Variants in GSE1 observed in about 807,000 individuals in gnomAD.
GSE1 encodes Gse1 coiled-coil protein.
Under a neutral mutation model 112.6 loss-of-function variants are expected in GSE1, and 32 were observed. That is an observed-to-expected ratio of 0.28 (90% confidence interval 0.21 to 0.38). GSE1 has a LOEUF of 0.38. Among genes scored for constraint, GSE1 ranks in the 10% least tolerant of loss-of-function variants. GSE1 has a pLI of 1.00. For synonymous variants in GSE1, 1,115 were observed against 735.6 expected (o/e 1.52, Z -8.35); for missense variants, 2,348 against 1,699.2 (o/e 1.38, Z -6.71).
At chr16:85,510,969 C>T (rs1249388118) in intron 2 of GSE1, among the ~76,000 whole-genome samples, 1 of 152,250 alleles carries the variant, frequency 6.6e-6, no homozygotes, top group African/African-American at 2.4e-5. Context: ...CACCCCGTTC[C>T]TCTCTGGCTT....
intron 2 of GSE1, among the ~76,000 whole-genome samples, chr16:85,491,121 G>A (rs886817748): frequency 1.4e-4 from 21 of 152,182 alleles, no homozygotes; most frequent in African/African-American, 4.6e-4. Flanking sequence ...CGCAGGGGGC[G>A]GCACCAGAGC....
intron 1 of GSE1, among the ~76,000 whole-genome samples, chr16:85,588,522 CA>C (rs2046815992): frequency 6.6e-6 from 1 of 152,200 alleles, no homozygotes; most frequent in African/African-American, 2.4e-5. Context: ...GCCAGTGCTC[CA>C]AATGAGGCGA....
chr16:85,385,800 A>C (rs2047675491), intron 2 of GSE1, among the ~76,000 whole-genome samples: 1 of 152,296 alleles, frequency 6.6e-6, no homozygotes, highest in Admixed American at 6.5e-5. Context: ...AGAGCTGGAC[A>C]GGGGGAGGGG....
chr16:85,575,384 A>G (rs545150068), intron 1 of GSE1, among the ~76,000 whole-genome samples: 1 of 152,196 alleles, frequency 6.6e-6, no homozygotes, highest in East Asian at 1.9e-4. Context: ...AGATTATTTC[A>G]TTGGAAGGAA....
At chr16:85,381,859 C>G (rs4783183) in intron 2 of GSE1, among the ~76,000 whole-genome samples, 127,671 of 152,270 alleles carry the variant, frequency 0.84, 53,679 homozygotes, top group Non-Finnish European at 0.87. Context: ...GCTAGAGGGG[C>G]AGCCTCTCCC....
At chr16:85,652,135 C>G (rs1178088992) in intron 3 of GSE1, among the ~76,000 whole-genome samples, 1 of 152,232 alleles carries the variant, frequency 6.6e-6, no homozygotes, top group Non-Finnish European at 1.5e-5. Flanking sequence ...CCGTGCACAG[C>G]TGTGCCATCA....
intron 1 of GSE1, among the ~76,000 whole-genome samples, chr16:85,260,886 G>T (rs73251991): frequency 6.6e-6 from 1 of 152,260 alleles, no homozygotes; most frequent in Non-Finnish European, 1.5e-5. Flanking sequence ...TGGCCTCTGT[G>T]CCAGCATCCA....
intron 2 of GSE1, among the ~76,000 whole-genome samples, chr16:85,427,964 A>G (rs1597725202): frequency 1.3e-5 from 2 of 152,346 alleles, no homozygotes; most frequent in Admixed American, 1.3e-4. Context: ...TTCAAAAGCC[A>G]GTGTGAATTT....
At chr16:85,572,962 T>G (rs1288547548) in intron 1 of GSE1, among the ~76,000 whole-genome samples, 1 of 152,180 alleles carries the variant, frequency 6.6e-6, no homozygotes, top group Non-Finnish European at 1.5e-5. Context: ...CTCCGCCTCC[T>G]GGGTTCAAGA....
intron 2 of GSE1, among the ~76,000 whole-genome samples, chr16:85,524,294 C>T (rs1025461154): frequency 2.6e-5 from 4 of 151,976 alleles, no homozygotes; most frequent in African/African-American, 9.7e-5. Flanking sequence ...CCCAGGGCAC[C>T]TCAGATGCCA....
intron 1 of GSE1, among the ~76,000 whole-genome samples, chr16:85,183,154 TGCACA>T (rs1249844437): frequency 3.3e-5 from 5 of 152,058 alleles, no homozygotes; most frequent in Non-Finnish European, 7.4e-5. Context: ...CTCATACACC[TGCACA>T]GTCATTTGCA....
At chr16:85,365,193 G>A (rs777035095) in intron 2 of GSE1, among the ~76,000 whole-genome samples, 4 of 152,312 alleles carry the variant, frequency 2.6e-5, no homozygotes, top group Non-Finnish European at 5.9e-5. Context: ...CTGAAGTCAC[G>A]CTTGCATCCT....
intron 2 of GSE1, among the ~76,000 whole-genome samples, chr16:85,383,372 C>A (rs577184720): frequency 6.6e-6 from 1 of 151,962 alleles, no homozygotes; most frequent in Admixed American, 6.5e-5. Flanking sequence ...CAGCTGCATA[C>A]ACACAGCACA....
chr16:85,529,875 G>T (rs1236583369), intron 2 of GSE1, among the ~76,000 whole-genome samples: 1 of 152,212 alleles, frequency 6.6e-6, no homozygotes, highest in African/African-American at 2.4e-5. Context: ...TCTGTCCTTT[G>T]CCAGCAGGAC....
upstream of GSE1, among the ~76,000 whole-genome samples, chr16:85,606,479 C>T (rs1290933058): frequency 6.6e-6 from 1 of 152,222 alleles, no homozygotes; most frequent in Non-Finnish European, 1.5e-5. Context: ...GGGGATGGAA[C>T]GGAGGGCTTC....
chr16:85,427,712 G>C (rs1199133197), intron 2 of GSE1, among the ~76,000 whole-genome samples: 1 of 149,278 alleles, frequency 6.7e-6, no homozygotes, highest in African/African-American at 2.5e-5. Context: ...TGCGCCTGTA[G>C]TCCCAGCTAC....
intron 2 of GSE1, among the ~76,000 whole-genome samples, chr16:85,455,674 G>A (rs1410320910): frequency 1.3e-5 from 2 of 152,216 alleles, no homozygotes; most frequent in East Asian, 1.9e-4. Context: ...AGCCTGGCGC[G>A]CTGCAAGCTG....
intron 2 of GSE1, among the ~76,000 whole-genome samples, chr16:85,636,290 C>A (rs955510981): frequency 2.0e-5 from 3 of 152,188 alleles, no homozygotes; most frequent in Admixed American, 6.5e-5. Flanking sequence ...CCCACCTCAC[C>A]CCCTATTGAG....
intron 1 of GSE1, among the ~76,000 whole-genome samples, chr16:85,258,516 C>T (rs1331684436): frequency 2.0e-5 from 3 of 152,246 alleles, no homozygotes; most frequent in East Asian, 1.9e-4. Flanking sequence ...CCTGCGGCCC[C>T]GTGGCCACTG....
Sources: allele counts gnomAD v4.1 joint callset (sites outside exome capture counted in the v4.1 genomes callset), GRCh38; gene constraint gnomAD v4.1.1; transcripts MANE v1.5; gene names NCBI Gene and HGNC (gene_info 2026-07-23, HGNC 2026-07-21).